Variants in ROBO1 observed in about 807,000 individuals in gnomAD.
ROBO1 encodes the protein roundabout homolog 1.
A neutral mutation model predicts 195.9 loss-of-function variants in ROBO1; 149 were observed. That is an observed-to-expected ratio of 0.76 (90% confidence interval 0.67 to 0.87). The LOEUF is 0.87. Among genes scored for constraint, ROBO1 ranks in the 40% least tolerant of loss-of-function variants. ROBO1 has a pLI of 0.00. For synonymous variants in ROBO1, 816 were observed against 733.2 expected, an observed-to-expected ratio of 1.11 and a Z score of -1.82; for missense variants, 1,933 against 2,068.3, an observed-to-expected ratio of 0.93 and a Z score of 1.27.
At chr3:79,112,919 A>G (rs2079915252) in intron 3 of ROBO1, among the ~76,000 whole-genome samples, 1 of 152,190 alleles carries the variant, frequency 6.6e-6, no homozygotes, top group Non-Finnish European at 1.5e-5. Context: ...ATAATAAAAA[A>G]ATAAGTTTTA....
At chr3:79,068,065 C>T (rs2108426920) in intron 3 of ROBO1, among the ~76,000 whole-genome samples, 1 of 152,068 alleles carries the variant, frequency 6.6e-6, no homozygotes, top group South Asian at 2.1e-4. Context: ...ATTGAAGACA[C>T]AGTCTTTTAT....
At chr3:79,372,005 A>C (rs957605987) in intron 2 of ROBO1, among the ~76,000 whole-genome samples, 1 of 152,052 alleles carries the variant, frequency 6.6e-6, no homozygotes, top group Non-Finnish European at 1.5e-5. Context: ...GATCCCTTAC[A>C]TGTGCAGTTC....
intron 2 of ROBO1, among the ~76,000 whole-genome samples, chr3:79,386,611 G>A (rs2036757897): frequency 1.3e-5 from 2 of 152,096 alleles, no homozygotes; most frequent in East Asian, 3.9e-4. Context: ...GGGCTAACAT[G>A]GATGAAAGTG....
intron 2 of ROBO1, among the ~76,000 whole-genome samples, chr3:79,407,702 T>G (rs989753405): frequency 1.3e-5 from 2 of 152,114 alleles, no homozygotes; most frequent in Admixed American, 1.3e-4. Context: ...GATAGAAGTA[T>G]TAATGATTTC....
intron 4 of ROBO1, among the ~76,000 whole-genome samples, chr3:78,857,469 A>G (rs1303908080): frequency 1.3e-5 from 2 of 152,192 alleles, no homozygotes. Context: ...CCTATTCTCA[A>G]TAGCCCCAAA....
rs1158213253 is a variant in ROBO1 at position 79,484,755 on chromosome 3, C to CT, written c.88+105068dup. On this transcript the variant is annotated intron_variant, in intron 2 of 30. Transcript: ENST00000464233. ...TTATACACCACTATCATTGCACTAT[C>CT]TTTTTTTTTTTTTTTTTGAGACAGA... Among the ~76,000 whole-genome samples, 377 of 66,890 alleles carry CT rather than the reference C, an allele frequency of 5.6e-3. 53 individuals are homozygous for CT. The highest frequency in any genetic ancestry group is 0.019 in the African/African-American group (334 of 17,744). The allele number at this position is 66,890 out of a possible 152,430, so 43.9% of individuals were successfully genotyped here. A position where few individuals can be genotyped will look rare whatever the true frequency, so the allele number is the denominator to read the frequency against.
chr3:79,075,567 C>G (rs937169404), intron 3 of ROBO1, among the ~76,000 whole-genome samples: 7 of 151,906 alleles, frequency 4.6e-5, no homozygotes, highest in African/African-American at 1.7e-4. Context: ...ATAGTTAACA[C>G]AGGATTTTAT....
At chr3:79,462,778 A>C (rs766582307) in intron 2 of ROBO1, among the ~76,000 whole-genome samples, 2 of 152,198 alleles carry the variant, frequency 1.3e-5, no homozygotes, top group Non-Finnish European at 2.9e-5. Context: ...TGATTTTATC[A>C]TGTAGTTAGT....
chr3:78,985,363 AT>A (rs2077083865), intron 3 of ROBO1, among the ~76,000 whole-genome samples: 2 of 152,302 alleles, frequency 1.3e-5, no homozygotes, highest in South Asian at 4.1e-4. Context: ...CTTATAATAC[AT>A]ATAACATACA....
intron 1 of ROBO1, among the ~76,000 whole-genome samples, chr3:79,695,602 T>G (rs150437025): frequency 6.7e-6 from 1 of 149,392 alleles, no homozygotes; most frequent in African/African-American, 2.4e-5. Flanking sequence ...ACCTTGGGAG[T>G]GGAGAATGCA....
chr3:78,704,360 T>TCA (rs2107964026), intron 8 of ROBO1, among the ~76,000 whole-genome samples: 1 of 152,194 alleles, frequency 6.6e-6, no homozygotes, highest in South Asian at 2.1e-4. Context: ...CCTATGGATC[T>TCA]CACACAAAGA....
intron 2 of ROBO1, among the ~76,000 whole-genome samples, chr3:79,555,906 T>C (rs1210892933): frequency 6.6e-6 from 1 of 152,124 alleles, no homozygotes; most frequent in Non-Finnish European, 1.5e-5. Context: ...ATTTATCTCA[T>C]CAATGGGCAT....
At chr3:78,964,899 G>C (rs1400815663) in intron 3 of ROBO1, among the ~76,000 whole-genome samples, 2 of 149,326 alleles carry the variant, frequency 1.3e-5, no homozygotes, top group African/African-American at 2.5e-5. Flanking sequence ...ACCCAGGCTG[G>C]TCTCAAACCC....
chr3:78,717,195 G>A, intron 7 of ROBO1, 80 bp downstream of exon 7: 1 of 1,416,200 alleles, frequency 7.1e-7, no homozygotes, highest in Non-Finnish European at 9.5e-7. Flanking sequence ...CTATTCTAAT[G>A]GCCCGGATGT....
Position 79,298,368 on chromosome 3 carries a change from C to A in ROBO1, c.89-172829G>T, listed in dbSNP as rs748332484. ...TTTCTTTTTAAAAATGGTCTGTAAC[C>A]CTGGTGAGCTTGTGAGGGATCAAAT... On this transcript the variant is annotated intron_variant, in intron 2 of 30. Transcript: ENST00000464233. Among the ~76,000 whole-genome samples the A allele has an allele frequency of 1.7e-3, 259 of 151,972 alleles. 2 individuals carry two copies. Among genetic ancestry groups the A allele is most frequent in the Middle Eastern group, 0.014 (4 of 294 alleles).
intron 1 of ROBO1, among the ~76,000 whole-genome samples, chr3:79,617,075 G>T (rs533248480): frequency 1.3e-5 from 2 of 152,232 alleles, no homozygotes; most frequent in South Asian, 4.1e-4. Context: ...TGGGATGAGG[G>T]TATGATAGGG....
chr3:79,373,847 A>G (rs2036288620), intron 2 of ROBO1, among the ~76,000 whole-genome samples: 5 of 152,168 alleles, frequency 3.3e-5, no homozygotes, highest in Admixed American at 2.6e-4. Flanking sequence ...CTGGGTCACT[A>G]TGTGGATTTA....
At chr3:78,637,995 G>C (rs1250457182) in intron 22 of ROBO1, among the ~76,000 whole-genome samples, 1 of 146,646 alleles carries the variant, frequency 6.8e-6, no homozygotes, top group Non-Finnish European at 1.5e-5. Context: ...GGGGGGGGGA[G>C]GGGTTGTTTG....
chr3:78,785,437 C>G (rs189131321), intron 4 of ROBO1, among the ~76,000 whole-genome samples: 3 of 152,118 alleles, frequency 2.0e-5, no homozygotes, highest in African/African-American at 4.8e-5. Context: ...TATTTTACTG[C>G]TTCACTGCTT....
Sources: gnomAD v4.1 joint callset for allele counts (sites outside exome capture counted in the v4.1 genomes callset) on GRCh38, gnomAD v4.1.1 for gene constraint, MANE v1.5 for transcripts, NCBI Gene and HGNC (gene_info 2026-07-23, HGNC 2026-07-21) for gene names.